PALM2AKAP2: variants seen among roughly 807,000 people sequenced by gnomAD.
The protein encoded by PALM2AKAP2 is PALM2 and AKAP2 fusion, also known as PALM2-AKAP2 fusion protein.
In PALM2AKAP2, 37 loss-of-function variants were observed where a neutral mutation model predicts 71.5. The ratio of observed to expected loss-of-function variants is 0.52; its 90% CI spans 0.40 to 0.68. The LOEUF is 0.68. Among genes scored for constraint, PALM2AKAP2 ranks in the 30% least tolerant of loss-of-function variants. The pLI, the probability that PALM2AKAP2 is intolerant of heterozygous loss-of-function variation, is 0.00. For synonymous variants in PALM2AKAP2, 468 were observed against 478.8 expected (o/e 0.98, Z 0.29); for missense variants, 1,224 against 1,191.8 (o/e 1.03, Z -0.40).
rs1254940425 is a variant in PALM2AKAP2, at chr9:110,140,206, A to G, written c.2569+1667A>G. ...GGATTCCTGTGATATTCAATGGATT[A>G]TAATCCATTTCTTTTATTATTTTTA... On this transcript the variant is annotated intron_variant, in intron 2 of 3. Coordinates refer to ENST00000374525, the Ensembl canonical transcript of PALM2AKAP2. 2.0e-5 allele frequency among the ~76,000 whole-genome samples: 3 copies of G among 152,216 alleles called. No homozygotes were observed. The East Asian group carries it at 5.8e-4, about 29-fold the overall frequency.
intron 6 of PALM2AKAP2, among the ~76,000 whole-genome samples, chr9:110,002,738 C>A (rs1016304710): frequency 6.6e-6 from 1 of 152,134 alleles, no homozygotes; most frequent in Non-Finnish European, 1.5e-5. Flanking sequence ...AGAGATTCAA[C>A]TTCTTCCTGG....
intron 1 of PALM2AKAP2, among the ~76,000 whole-genome samples, chr9:109,679,509 T>G (rs1375872293): frequency 6.6e-6 from 1 of 152,216 alleles, no homozygotes; most frequent in African/African-American, 2.4e-5. Context: ...TCGAAAACTC[T>G]GACTTATAAT....
chr9:109,869,844 C>T (rs1487183458), intron 2 of PALM2AKAP2, among the ~76,000 whole-genome samples: 1 of 152,160 alleles, frequency 6.6e-6, no homozygotes, highest in Non-Finnish European at 1.5e-5. Flanking sequence ...AACACTCGCA[C>T]CATGGCAACC....
intron 1 of PALM2AKAP2, among the ~76,000 whole-genome samples, chr9:109,789,446 A>T (rs887564003): frequency 6.6e-6 from 1 of 152,242 alleles, no homozygotes; most frequent in African/African-American, 2.4e-5. Context: ...TGTATATGCA[A>T]GTATGACTTG....
At chr9:110,064,390 G>A (rs1169634467) in intron 1 of PALM2AKAP2, among the ~76,000 whole-genome samples, 1 of 152,186 alleles carries the variant, frequency 6.6e-6, no homozygotes, top group Non-Finnish European at 1.5e-5. Context: ...CCCAGCCTCG[G>A]TCTGGAACAC....
intron 1 of PALM2AKAP2, chr9:110,090,311 G>A (rs1481920838): frequency 4.4e-6 from 2 of 456,058 alleles, no homozygotes; most frequent in East Asian, 1.4e-4. Flanking sequence ...ACTGAAGAAA[G>A]GGAAACTGGG....
chr9:109,735,125 A>G (rs1828610612), intron 1 of PALM2AKAP2, among the ~76,000 whole-genome samples: 1 of 150,994 alleles, frequency 6.6e-6, no homozygotes, highest in African/African-American at 2.4e-5. Flanking sequence ...GCATAGTTGA[A>G]AGAGTGTCTT....
At chr9:110,168,251 TCCAGCG>T in intron 3 of PALM2AKAP2, 142 bp from the exon 11 acceptor site, 3 of 907,510 alleles carry the variant, frequency 3.3e-6, no homozygotes, top group Admixed American at 7.1e-5. Flanking sequence ...TTCCCCTTTT[TCCAGCG>T]TCTCTCCTAT....
intron 6 of PALM2AKAP2, among the ~76,000 whole-genome samples, chr9:109,951,876 A>G (rs1831650226): frequency 6.6e-6 from 1 of 152,144 alleles, no homozygotes; most frequent in African/African-American, 2.4e-5. Context: ...GTCTCTCTCC[A>G]CAACTGTCAT....
At chr9:110,011,014 A>AAAAAAAAAAAAATATATATAT (rs35212981) in intron 6 of PALM2AKAP2, among the ~76,000 whole-genome samples, 2 of 69,586 alleles carry the variant, frequency 2.9e-5, no homozygotes, top group African/African-American at 1.6e-4. Context: ...AAAAAAAAAA[A>AAAAAAAAAAAAATATATATAT]ATATATATAT....
At chr9:110,027,681 A>G (rs1833206292) in intron 7 of PALM2AKAP2, among the ~76,000 whole-genome samples, 1 of 152,226 alleles carries the variant, frequency 6.6e-6, no homozygotes, top group African/African-American at 2.4e-5. Flanking sequence ...CTCTACACGT[A>G]AAACTTGTTG....
rs368555887 is a variant in PALM2AKAP2 at position 109,691,867 on chromosome 9, TACACAC to T, written c.5+51011_5+51016del. 5.2e-4 allele frequency among the ~76,000 whole-genome samples: 27 copies of T among 51,462 alleles called. No homozygotes were observed. The East Asian group carries it at 0.014, about 27-fold the overall frequency. 33.8% of individuals were successfully genotyped at this position (51,462 alleles called of 152,430 possible). ...ATATATATATATATATATATATATA[TACACAC>T]ACACACACATATATATATATATATA... On this transcript the variant is annotated intron_variant, in intron 1 of 6. Transcript: ENST00000374531.
chr9:109,768,974 A>C (rs1459663586), intron 1 of PALM2AKAP2, among the ~76,000 whole-genome samples: 4 of 152,216 alleles, frequency 2.6e-5, no homozygotes, highest in African/African-American at 9.6e-5. Flanking sequence ...AAATAAATAT[A>C]AAAACAACTT....
At chr9:110,153,146 C>A (rs904946468) in intron 2 of PALM2AKAP2, among the ~76,000 whole-genome samples, 1 of 152,192 alleles carries the variant, frequency 6.6e-6, no homozygotes, top group Non-Finnish European at 1.5e-5. Context: ...GGGATGAAAT[C>A]ATCAATAAGC....
intron 1 of PALM2AKAP2, among the ~76,000 whole-genome samples, chr9:109,845,144 G>A (rs189290039): frequency 2.6e-5 from 4 of 152,168 alleles, no homozygotes; most frequent in South Asian, 2.1e-4. Flanking sequence ...TGCTTTATCC[G>A]TACTCTATCC....
chr9:110,154,844 C>G (rs1303727430), intron 2 of PALM2AKAP2, among the ~76,000 whole-genome samples: 2 of 152,130 alleles, frequency 1.3e-5, no homozygotes, highest in African/African-American at 2.4e-5. Context: ...TCCTGCCAAA[C>G]ATATTTGATA....
intron 1 of PALM2AKAP2, among the ~76,000 whole-genome samples, chr9:109,845,140 A>G (rs12339245): frequency 0.029 from 4,406 of 152,274 alleles, 247 homozygotes; most frequent in African/African-American, 0.1. Context: ...CCTCTGCTTT[A>G]TCCGTACTCT....
chr9:109,893,046 C>T (rs1202057813), intron 3 of PALM2AKAP2, among the ~76,000 whole-genome samples: 1 of 152,158 alleles, frequency 6.6e-6, no homozygotes, highest in Non-Finnish European at 1.5e-5. Flanking sequence ...AGAACTCGGG[C>T]CCGGTAAGCA....
At chr9:109,859,853 G>T (rs367706536) in intron 1 of PALM2AKAP2, among the ~76,000 whole-genome samples, 1 of 152,224 alleles carries the variant, frequency 6.6e-6, no homozygotes, top group Non-Finnish European at 1.5e-5. Flanking sequence ...ATTTAAAATG[G>T]CTCTGAGTTC....
Sources: allele counts gnomAD v4.1 joint callset (sites outside exome capture counted in the v4.1 genomes callset), GRCh38; gene constraint gnomAD v4.1.1; transcripts MANE v1.5; gene names NCBI Gene and HGNC (gene_info 2026-07-23, HGNC 2026-07-21).